Variants in CAPN12 observed in about 807,000 individuals in gnomAD.
The protein encoded by CAPN12 is calpain-12.
A neutral mutation model predicts 95.0 loss-of-function variants in CAPN12; 107 were observed. That is an observed-to-expected ratio of 1.13 (90% CI 0.96 to 1.32). CAPN12 has a LOEUF of 1.32. CAPN12 is among the 40% of genes most tolerant of loss of function. The pLI, the probability that CAPN12 is intolerant of heterozygous loss-of-function variation, is 0.00. For missense variants in CAPN12, 1,136 were observed against 997.8 expected (o/e 1.14, Z -1.87); for synonymous variants, 505 against 415.5 (o/e 1.22, Z -2.62).
At position 38,742,942 on chromosome 19, in the gene CAPN12, G is replaced by T. The variant is rs572678288; in HGVS notation, c.307+91C>A. 2.4e-5 allele frequency: 28 copies of T among 1,160,282 alleles called. 1 individual carries two copies. In the African/African-American group the frequency reaches 2.6e-4, roughly 11 times the overall value. The allele number at this position is 1,160,282 out of a possible 1,614,324, so 71.9% of individuals were successfully genotyped here. A position where few individuals can be genotyped will look rare whatever the true frequency, so the allele number is the denominator to read the frequency against. On this transcript the variant is annotated intron_variant, in intron 2 of 20. Transcript: ENST00000328867. ...GAAGAGACTGAGGAGGGATCCAGGG[G>T]CCGGGAGTGGGTGGACAAAGGGATG...
Position 38,742,490 on chromosome 19 carries a change from G to C in CAPN12, c.346C>G (p.Leu116Val). The C allele has an allele frequency of 1.9e-6, 3 of 1,613,686 alleles. No individual in the cohort carries two copies. The highest frequency in any genetic ancestry group is 1.7e-6 in the Non-Finnish European group (2 of 1,179,774). Residue 116 changes from leucine to valine, a missense_variant, in exon 3 of 21, where the codon CTG becomes GTG. Transcript: ENST00000328867. Reference sequence around the variant, plus strand: ...ACCCGGCGCAGGAGCCGGGGATACAGAGTAAGGGAGGCGGCAGCTGCAAGG... The same window carrying C: ...ACCCGGCGCAGGAGCCGGGGATACACAGTAAGGGAGGCGGCAGCTGCAAGG... ...WFLAAAASLT[L>V]YPRLLRRVVP...
Position 38,733,781 on chromosome 19 carries a change from C to T in CAPN12, c.1879G>A (p.Ala627Thr), listed in dbSNP as rs1283474658. 29 of 1,612,774 alleles carry T rather than the reference C, an allele frequency of 1.8e-5. No individual in the cohort carries two copies. Among genetic ancestry groups the T allele is most frequent in the African/African-American group, 5.3e-5 (4 of 74,926 alleles). Residue 627 changes from alanine (A) to threonine (T), a missense_variant and splice_region_variant, in exon 18 of 21, where the codon GCC (alanine) becomes ACC (threonine). Physicochemically the swap from Ala to Thr is moderately conservative, Grantham distance 58 (BLOSUM62 0). Transcript: ENST00000328867. ...TCCTCATCGAACTTGTTAAATATGG[C>T]CTGGGCAGGAAGGATGAGTCAGGGC... ...QLWGYLLEWQAIFNKFDEDTS... is the reference protein window; with the variant it reads ...QLWGYLLEWQTIFNKFDEDTS...
rs1405530684 is a variant in CAPN12 at position 38,730,975 on chromosome 19, G to A, written c.2123C>T (p.Thr708Ile). 1 of 1,550,950 alleles carries A rather than the reference G, an allele frequency of 6.4e-7. No individual in the cohort carries two copies. The highest frequency in any genetic ancestry group is 1.2e-5 in the South Asian group (1 of 84,114). The change falls in exon 20 of 21, where the codon ACC becomes ATC. Residue 708 changes from threonine to isoleucine, a missense_variant. By Grantham distance (89) the Thr-to-Ile change is moderately conservative. Coordinates refer to ENST00000328867, the MANE Select transcript of CAPN12 (RefSeq NM_144691.4). ...LDGGEGVICL[T>I]HRQWMEVATF... Reference sequence around the variant, plus strand: ...TCCCACCTGGCTCACCTGTCTGTGGGTCAGGCAGATGACCCCCTCACCCCC... The same window carrying A: ...TCCCACCTGGCTCACCTGTCTGTGGATCAGGCAGATGACCCCCTCACCCCC...
chr19:38,742,162 A>G (rs1324837369), intron 3 of CAPN12: 1 of 614,880 alleles, frequency 1.6e-6, no homozygotes, highest in South Asian at 2.0e-5. Flanking sequence ...CATCTCTACT[A>G]AAAATAAGAA....
chr19:38,733,559 T>A, intron 18 of CAPN12, 144 bp downstream of exon 18: 17 of 682,408 alleles, frequency 2.5e-5, no homozygotes, highest in Middle Eastern at 4.0e-4. Flanking sequence ...ACCCAACCCC[T>A]GCCAGGGACT....
rs113131323 is a variant in CAPN12 at position 38,743,966 on chromosome 19, G to T, written c.200C>A (p.Ser67Ter). The T allele has an allele frequency of 6.2e-7, 1 of 1,614,196 alleles. No individual in the cohort carries two copies. Among genetic ancestry groups the T allele is most frequent in the South Asian group, 1.1e-5 (1 of 91,084 alleles). ...CCATTTCACGCCTTTGGCCTTCTCC[G>T]AGTCCGGCCCCAGCTGGTCATAGCC... is the stretch of plus-strand genomic sequence containing the variant. ...ALGYDQLGPD[S>*]EKAKGVKWMR... Residue 67 changes from serine to a stop codon, truncating the protein, a stop_gained, in exon 1 of 21, where the codon TCG becomes TAG. Coordinates refer to ENST00000328867, the MANE Select transcript of CAPN12 (RefSeq NM_144691.4). LOFTEE classifies it high-confidence loss of function.
Position 38,744,291 on chromosome 19 carries a change from T to G in CAPN12, c.-126A>C, listed in dbSNP as rs1185890139. 1.8e-5 allele frequency: 16 copies of G among 890,764 alleles called. No homozygotes were observed. In the Admixed American group the frequency reaches 3.0e-4, roughly 17 times the overall value. The allele number at this position is 890,764 out of a possible 1,614,324, so 55.2% of individuals were successfully genotyped here. A position where few individuals can be genotyped will look rare whatever the true frequency, so the allele number is the denominator to read the frequency against. On this transcript the variant is annotated 5_prime_UTR_variant, in exon 1 of 21. Transcript: ENST00000328867. ...ATGAGGAGCCTTCCCTCGTTAATAT[T>G]AATTGATGGTTTGGGGTGCTGGGGA...
In CAPN12 at chr19:38,743,969, TC is replaced by T. The variant is rs1970741832; in HGVS notation, c.196del (p.Asp66ThrfsTer8). Reference sequence around the variant, plus strand: ...TTTCACGCCTTTGGCCTTCTCCGAGTCCGGCCCCAGCTGGTCATAGCCAAGG... The same window carrying T: ...TTTCACGCCTTTGGCCTTCTCCGAGTCGGCCCCAGCTGGTCATAGCCAAGG... ...DALGYDQLGP[D>X]SEKAKGVKWM... On this transcript the variant is annotated frameshift_variant, in exon 1 of 21. Coordinates refer to ENST00000328867, the MANE Select transcript of CAPN12 (RefSeq NM_144691.4). LOFTEE classifies it high-confidence loss of function. The T allele has an allele frequency of 6.2e-7, 1 of 1,614,124 alleles. No homozygotes were observed. The highest frequency in any genetic ancestry group is 2.2e-5 in the East Asian group (1 of 44,884).
In CAPN12 at chr19:38,730,537, G is replaced by A. The variant is rs547657871; in HGVS notation, c.*315C>T. ...TGTAATATTTTTAAGAAGGATTCCT[G>A]CAGCATCATCTTTTTTTATTTCTCC... On this transcript the variant is annotated 3_prime_UTR_variant, in exon 21 of 21. Transcript: ENST00000328867. The A allele has an allele frequency of 1.6e-5, 7 of 445,056 alleles. No individual in the cohort carries two copies. The highest frequency in any genetic ancestry group is 3.8e-5 in the Admixed American group (1 of 26,464). 27.6% of individuals were successfully genotyped at this position (445,056 alleles called of 1,614,324 possible).
In CAPN12 at chr19:38,743,021, T is replaced by C. The variant is rs1271392709; in HGVS notation, c.307+12A>G. ...CTGGATCTGAGGACTCCAGGTGGGT[T>C]CAGGGTCTCACCCAGGCTCCCCTGA... On this transcript the variant is annotated intron_variant, in intron 2 of 20. Coordinates refer to ENST00000328867, the MANE Select transcript of CAPN12 (RefSeq NM_144691.4). 3 of 1,613,842 alleles carry C rather than the reference T, an allele frequency of 1.9e-6. No individual in the cohort carries two copies. In the South Asian group the frequency reaches 3.3e-5, roughly 18 times the overall value.
intron 1 of CAPN12, among the ~76,000 whole-genome samples, chr19:38,743,366 G>T (rs1245861596): frequency 8.2e-6 from 1 of 121,658 alleles, no homozygotes. Flanking sequence ...CAGGAGTCCA[G>T]GCCCAGCCCC....
chr19:38,736,940 GC>G, intron 10 of CAPN12: 1 of 69,950 alleles, frequency 1.4e-5, no homozygotes, highest in East Asian at 2.4e-4. Flanking sequence ...TCCCAGCGCC[GC>G]CCCCTCTTGG....
Position 38,737,292 on chromosome 19 carries a change from G to A in CAPN12, c.1226C>T (p.Ala409Val). ...CCGCGCTGGGCCCCGTGCCCCTGCA[G>A]CCCCCCAGCCCCCCCAGGGCCCTTC... is the stretch of plus-strand genomic sequence containing the variant. ...DEEGPWGGWG[A>V]AGARGPARGG... is the part of the protein sequence containing the mutation. Residue 409 changes from alanine to valine, a missense_variant, in exon 10 of 21, where the codon GCT becomes GTT. Ala to Val is a moderately conservative substitution (Grantham distance 64). Coordinates refer to ENST00000328867, the MANE Select transcript of CAPN12 (RefSeq NM_144691.4). 3.5e-6 allele frequency: 5 copies of A among 1,422,260 alleles called. No individual in the cohort carries two copies. The highest frequency in any genetic ancestry group is 4.7e-6 in the Non-Finnish European group (5 of 1,067,850). The allele number at this position is 1,422,260 out of a possible 1,614,324, so 88.1% of individuals were successfully genotyped here. A position where few individuals can be genotyped will look rare whatever the true frequency, so the allele number is the denominator to read the frequency against.
chr19:38,732,907 C>T (rs1232671502), intron 18 of CAPN12, among the ~76,000 whole-genome samples: 1 of 152,214 alleles, frequency 6.6e-6, no homozygotes, highest in East Asian at 1.9e-4. Context: ...CCATGGAAAG[C>T]CTTTCTCTCT....
At chr19:38,731,436 A>G in intron 18 of CAPN12, 1 of 591,920 alleles carries the variant, frequency 1.7e-6, no homozygotes, top group African/African-American at 1.9e-5. Context: ...CCGACCCCAT[A>G]GGGTGTGTGA....
intron 12 of CAPN12, 108 bp downstream of exon 12, chr19:38,736,002 C>CTCGG: frequency 2.7e-6 from 1 of 374,348 alleles, no homozygotes; most frequent in East Asian, 5.3e-5. Flanking sequence ...GGGGGCGGGG[C>CTCGG]AGGTCAGGTC....
rs777439971 is a variant in CAPN12 at position 38,730,895 on chromosome 19, A to G, written c.2134-17T>C. ...CTCCATCCACTAAGGAAGAGAAGGA[A>G]GACAGTGGCTTGAGGCAGGGAGCTC... is the stretch of plus-strand genomic sequence containing the variant. On this transcript the variant is annotated splice_polypyrimidine_tract_variant and intron_variant, in intron 20 of 20. Transcript: ENST00000328867. The G allele has an allele frequency of 1.9e-5, 30 of 1,551,536 alleles. No homozygotes were observed. Among genetic ancestry groups the G allele is most frequent in the Non-Finnish European group, 2.4e-5 (27 of 1,147,368 alleles).
chr19:38,731,189 G>A lies in CAPN12; in HGVS notation c.1992C>T (p.Leu664=), dbSNP rs147535776. 28 of 1,612,806 alleles carry A rather than the reference G, an allele frequency of 1.7e-5. No individual in the cohort carries two copies. Among genetic ancestry groups the A allele is most frequent in the Admixed American group, 6.7e-5 (4 of 60,002 alleles). ...GACGGCTATCCCGGTAGCGGCTGGTGAGGGTCTGGGTCAGCTGGTTGTTCA... is the reference window on the plus strand; with the variant it reads ...GACGGCTATCCCGGTAGCGGCTGGTAAGGGTCTGGGTCAGCTGGTTGTTCA... ...FHLNNQLTQT[L]TSRYRDSRLR... The change falls in exon 19 of 21, where the codon CTC becomes CTT. Residue 664 remains leucine (L), a synonymous_variant. Coordinates refer to ENST00000328867, the MANE Select transcript of CAPN12 (RefSeq NM_144691.4).
chr19:38,736,718 C>G (rs1275727405), intron 10 of CAPN12, 155 bp from the exon 11 acceptor site: 2 of 893,700 alleles, frequency 2.2e-6, no homozygotes, highest in African/African-American at 1.7e-5. Flanking sequence ...CCGACCCAGG[C>G]CCTCGCCGAC....
Sources: allele counts gnomAD v4.1 joint callset (sites outside exome capture counted in the v4.1 genomes callset), GRCh38; gene constraint gnomAD v4.1.1; transcripts MANE v1.5; gene names NCBI Gene and HGNC (gene_info 2026-07-23, HGNC 2026-07-21).